NAALADL2: variants seen among roughly 807,000 people sequenced by gnomAD.
NAALADL2 encodes the protein inactive N-acetylated-alpha-linked acidic dipeptidase-like protein 2.
In NAALADL2, 76 loss-of-function variants were observed where a neutral mutation model predicts 87.2. The ratio of observed to expected loss-of-function variants is 0.87; its 90% CI spans 0.72 to 1.05. The LOEUF (loss-of-function observed/expected upper bound fraction) is 1.05. Among genes scored for constraint, NAALADL2 ranks in the 50% least tolerant of loss-of-function variants. NAALADL2 has a pLI of 0.00. For missense variants in NAALADL2, 1,089 were observed against 945.8 expected (o/e 1.15, Z -1.99); for synonymous variants, 354 against 331.0 (o/e 1.07, Z -0.75).
At chr3:174,861,381 G>C (rs1037322301) in intron 1 of NAALADL2, among the ~76,000 whole-genome samples, 4 of 152,004 alleles carry the variant, frequency 2.6e-5, no homozygotes, top group Admixed American at 6.6e-5. Flanking sequence ...TCTGTTGTCT[G>C]TGATACCCTG....
intron 1 of NAALADL2, among the ~76,000 whole-genome samples, chr3:174,966,456 G>T (rs996700954): frequency 4.6e-5 from 7 of 152,140 alleles, no homozygotes; most frequent in African/African-American, 1.7e-4. Context: ...GGCAAAATGT[G>T]TTAGTGGTCC....
Position 175,156,926 on chromosome 3 carries a change from G to A in NAALADL2, c.545+59635G>A, listed in dbSNP as rs186649448. Among the ~76,000 whole-genome samples, 18 of 152,072 alleles carry A rather than the reference G, an allele frequency of 1.2e-4. 1 individual carries two copies. In the East Asian group the frequency reaches 1.5e-3, roughly 13 times the overall value. ...CTAATCAAGTCAGGTCGAACATATT[G>A]TCTTAACTCCATGATGAAGTTTCTT... On this transcript the variant is annotated intron_variant, in intron 2 of 13. Coordinates refer to ENST00000454872, the MANE Select transcript of NAALADL2 (RefSeq NM_207015.3).
At chr3:174,796,117 C>G (rs1241185566) in intron 3 of NAALADL2, among the ~76,000 whole-genome samples, 3 of 151,932 alleles carry the variant, frequency 2.0e-5, no homozygotes, top group Non-Finnish European at 2.9e-5. Context: ...GAGACAGATA[C>G]GAGAGATGCC....
chr3:175,024,778 G>A lies in NAALADL2; in HGVS notation c.44-72012G>A, dbSNP rs142581395. 1.1e-3 allele frequency among the ~76,000 whole-genome samples: 170 copies of A among 151,976 alleles called. 1 individual carries two copies. The Middle Eastern group carries it at 0.02, about 18-fold the overall frequency. The stretch of plus-strand genomic sequence containing the variant: ...ACAAATTGACAAAATTGAGCACACC[G>A]TAGCAGAGGGTAGCAGCTCTCATTT... On this transcript the variant is annotated intron_variant, in intron 1 of 13. Coordinates refer to ENST00000454872, the MANE Select transcript of NAALADL2 (RefSeq NM_207015.3).
At chr3:175,311,712 C>CTCCT (rs764336575) in intron 4 of NAALADL2, among the ~76,000 whole-genome samples, 1 of 150,106 alleles carries the variant, frequency 6.7e-6, no homozygotes, top group Admixed American at 6.7e-5. Flanking sequence ...CTCTCCCTCC[C>CTCCT]TCCTTCCTTC....
chr3:175,050,688 AAG>A (rs1369332291), intron 1 of NAALADL2, among the ~76,000 whole-genome samples: 9 of 152,180 alleles, frequency 5.9e-5, no homozygotes, highest in Non-Finnish European at 1.3e-4. Flanking sequence ...CCATACTATA[AAG>A]GTAAAGTTTT....
chr3:174,882,815 A>ATATATACG (rs1560319837), intron 1 of NAALADL2, among the ~76,000 whole-genome samples: 40 of 135,302 alleles, frequency 3.0e-4, no homozygotes, highest in Middle Eastern at 3.8e-3. Context: ...ATATGTGCAT[A>ATATATACG]TGTGTATATA....
chr3:175,712,051 A>G (rs189144819), intron 11 of NAALADL2, among the ~76,000 whole-genome samples: 2 of 152,080 alleles, frequency 1.3e-5, no homozygotes, highest in Non-Finnish European at 2.9e-5. Flanking sequence ...TGTCATAATG[A>G]TAAGTTATAT....
intron 1 of NAALADL2, among the ~76,000 whole-genome samples, chr3:174,914,052 CCTTTT>C (rs1184527353): frequency 8.0e-5 from 12 of 149,280 alleles, no homozygotes; most frequent in Admixed American, 6.0e-4. Flanking sequence ...TATATATATT[CCTTTT>C]CTTTTCTTTT....
At chr3:174,642,762 ATATATATATATAT>A (rs1723363392) in intron 2 of NAALADL2, among the ~76,000 whole-genome samples, 2 of 32,952 alleles carry the variant, frequency 6.1e-5, no homozygotes, top group Non-Finnish European at 9.9e-5. Flanking sequence ...ATATATATAT[ATATATATATATAT>A]ATATATATAT....
At chr3:175,629,246 T>C (rs1336895426) in intron 11 of NAALADL2, among the ~76,000 whole-genome samples, 1 of 148,068 alleles carries the variant, frequency 6.8e-6, no homozygotes, top group Non-Finnish European at 1.5e-5. Context: ...TAAACATATA[T>C]GATATATTTC....
chr3:174,657,538 A>G (rs1368369932), intron 2 of NAALADL2, among the ~76,000 whole-genome samples: 3 of 152,230 alleles, frequency 2.0e-5, no homozygotes, highest in Admixed American at 6.5e-5. Context: ...GATATCCCAT[A>G]TGCCTGTGCC....
At chr3:175,260,836 TGAG>T (rs1259526893) in intron 4 of NAALADL2, among the ~76,000 whole-genome samples, 5 of 152,222 alleles carry the variant, frequency 3.3e-5, no homozygotes, top group East Asian at 1.9e-4. Flanking sequence ...TCTCTTGAAA[TGAG>T]GAGAAAAATA....
intron 3 of NAALADL2, among the ~76,000 whole-genome samples, chr3:174,811,047 T>G (rs1185689426): frequency 6.6e-6 from 1 of 151,962 alleles, no homozygotes; most frequent in African/African-American, 2.4e-5. Context: ...GTTCACAGAG[T>G]GCAAGAGTTG....
At chr3:174,849,209 A>C (rs1724966100) in intron 3 of NAALADL2, among the ~76,000 whole-genome samples, 1 of 152,172 alleles carries the variant, frequency 6.6e-6, no homozygotes, top group African/African-American at 2.4e-5. Flanking sequence ...TTAAGCCTAC[A>C]TTTATAAAAC....
rs538118446 is a variant in NAALADL2, at chr3:175,058,044, G to A, written c.44-38746G>A. 3.9e-5 allele frequency among the ~76,000 whole-genome samples: 6 copies of A among 152,206 alleles called. No homozygotes were observed. In the East Asian group the frequency reaches 1.2e-3, roughly 29 times the overall value. On this transcript the variant is annotated intron_variant, in intron 1 of 13. Transcript: ENST00000454872. Reference sequence around the variant, plus strand: ...TGAGAACAGATTACTAATAGTGTTAGCACTCTAGACATATTTGATTTAAAT... The same window carrying A: ...TGAGAACAGATTACTAATAGTGTTAACACTCTAGACATATTTGATTTAAAT...
At chr3:174,591,515 T>C (rs745885593) in intron 2 of NAALADL2, among the ~76,000 whole-genome samples, 16 of 152,158 alleles carry the variant, frequency 1.1e-4, no homozygotes, top group African/African-American at 1.9e-4. Context: ...GCCTGATGGA[T>C]GGAGCATGAA....
intron 10 of NAALADL2, among the ~76,000 whole-genome samples, chr3:175,597,363 C>G (rs1036994000): frequency 3.9e-5 from 6 of 151,954 alleles, no homozygotes; most frequent in African/African-American, 1.4e-4. Flanking sequence ...CTAATTCTAC[C>G]TAGAATGAGA....
intron 11 of NAALADL2, among the ~76,000 whole-genome samples, chr3:175,636,932 T>G (rs2149745556): frequency 6.6e-6 from 1 of 152,314 alleles, no homozygotes; most frequent in East Asian, 1.9e-4. Context: ...CAGAAACATT[T>G]GAATGCATGC....
Sources: allele counts gnomAD v4.1 joint callset (sites outside exome capture counted in the v4.1 genomes callset), GRCh38; gene constraint gnomAD v4.1.1; transcripts MANE v1.5; gene names NCBI Gene and HGNC (gene_info 2026-07-23, HGNC 2026-07-21).